MTHFD1L: variants seen among roughly 807,000 people sequenced by gnomAD.
The protein encoded by MTHFD1L is monofunctional C1-tetrahydrofolate synthase, mitochondrial.
A neutral mutation model predicts 119.5 loss-of-function variants in MTHFD1L; 81 were observed. The observed-to-expected ratio is 0.68, with a 90% CI of 0.57 to 0.82. MTHFD1L has a LOEUF of 0.82. Among genes scored for constraint, MTHFD1L ranks in the 40% least tolerant of loss-of-function variants. MTHFD1L has a pLI of 0.00. For synonymous variants in MTHFD1L, 430 were observed against 475.2 expected, an observed-to-expected ratio of 0.90 and a Z score of 1.24; for missense variants, 1,125 against 1,253.4, an observed-to-expected ratio of 0.90 and a Z score of 1.55.
intron 21 of MTHFD1L, 46 bp downstream of exon 21, chr6:151,010,004 G>C: frequency 6.5e-7 from 1 of 1,529,926 alleles, no homozygotes. Flanking sequence ...ATTTCATTAT[G>C]TTAAAACAGA....
intron 11 of MTHFD1L, among the ~76,000 whole-genome samples, chr6:150,931,133 C>T (rs1025300827): frequency 6.6e-6 from 1 of 152,166 alleles, no homozygotes; most frequent in Non-Finnish European, 1.5e-5. Context: ...CAGGCCTGCA[C>T]CCATTTCTGT....
chr6:150,939,681 C>CTTTTT (rs1175796074), intron 13 of MTHFD1L, among the ~76,000 whole-genome samples: 2 of 94,092 alleles, frequency 2.1e-5, no homozygotes, highest in African/African-American at 1.2e-4. Flanking sequence ...TCCTTGCAGA[C>CTTTTT]TCTTTTTTTT....
At chr6:150,967,241 A>G (rs1391221096) in intron 19 of MTHFD1L, among the ~76,000 whole-genome samples, 1 of 152,114 alleles carries the variant, frequency 6.6e-6, no homozygotes, top group Non-Finnish European at 1.5e-5. Flanking sequence ...TGGAGACACC[A>G]AGTCTTTGTT....
At chr6:150,928,433 CAA>C (rs540059318) in intron 11 of MTHFD1L, among the ~76,000 whole-genome samples, 6,588 of 70,666 alleles carry the variant, frequency 0.093, 179 homozygotes, top group African/African-American at 0.14. Context: ...AAGACTGTCT[CAA>C]AAAAAAAAAA....
At chr6:150,898,628 C>A (rs572213142) in intron 7 of MTHFD1L, among the ~76,000 whole-genome samples, 2 of 152,104 alleles carry the variant, frequency 1.3e-5, no homozygotes, top group Non-Finnish European at 2.9e-5. Context: ...CGTCTAGGAG[C>A]CTGACTTGCC....
At chr6:151,035,717 T>C (rs1447114396) in intron 25 of MTHFD1L, among the ~76,000 whole-genome samples, 2 of 152,232 alleles carry the variant, frequency 1.3e-5, no homozygotes, top group East Asian at 1.9e-4. Flanking sequence ...CTATCATTTA[T>C]TCTAATATTA....
At chr6:151,046,514 T>TATATATAC (rs1431193716) in intron 26 of MTHFD1L, among the ~76,000 whole-genome samples, 1 of 136,600 alleles carries the variant, frequency 7.3e-6, no homozygotes, top group East Asian at 2.1e-4. Context: ...TATATATATA[T>TATATATAC]AGACTCATTT....
chr6:150,948,096 C>T (rs1794286813), intron 15 of MTHFD1L, among the ~76,000 whole-genome samples: 1 of 152,092 alleles, frequency 6.6e-6, no homozygotes, highest in Admixed American at 6.6e-5. Context: ...CAACTTCTGC[C>T]TCCCAGGTTA....
intron 2 of MTHFD1L, among the ~76,000 whole-genome samples, chr6:150,876,877 C>T (rs1236429275): frequency 6.6e-6 from 1 of 152,216 alleles, no homozygotes; most frequent in Non-Finnish European, 1.5e-5. Flanking sequence ...GATTACAGAG[C>T]TGTGCTCAAG....
chr6:150,930,178 A>C (rs980712347), intron 11 of MTHFD1L, among the ~76,000 whole-genome samples: 46 of 152,024 alleles, frequency 3.0e-4, no homozygotes, highest in Non-Finnish European at 6.2e-4. Context: ...CTGTGGGTGG[A>C]TCACTTGAGG....
intron 26 of MTHFD1L, among the ~76,000 whole-genome samples, chr6:151,057,668 C>T (rs1236411912): frequency 4.6e-5 from 7 of 152,164 alleles, no homozygotes; most frequent in Admixed American, 4.6e-4. Context: ...TAGACTCCCC[C>T]TGTCAAAAAT....
intron 8 of MTHFD1L, among the ~76,000 whole-genome samples, chr6:150,906,489 A>C (rs1475881460): frequency 6.6e-6 from 1 of 152,182 alleles, no homozygotes; most frequent in Non-Finnish European, 1.5e-5. Flanking sequence ...GCCTTGGAGC[A>C]CACCCAGGCC....
At chr6:151,043,896 A>G (rs1787534936) in intron 26 of MTHFD1L, among the ~76,000 whole-genome samples, 3 of 152,238 alleles carry the variant, frequency 2.0e-5, no homozygotes, top group African/African-American at 7.2e-5. Flanking sequence ...TTTTAAGAAA[A>G]GGGTCAAGCT....
intron 20 of MTHFD1L, among the ~76,000 whole-genome samples, chr6:151,007,634 C>T (rs1158465938): frequency 6.6e-6 from 1 of 152,204 alleles, no homozygotes; most frequent in Non-Finnish European, 1.5e-5. Flanking sequence ...TAATCCAGTA[C>T]TGGGGCCTTA....
chr6:151,069,931 T>C (rs1465090827), intron 26 of MTHFD1L, among the ~76,000 whole-genome samples: 2 of 152,224 alleles, frequency 1.3e-5, no homozygotes, highest in African/African-American at 4.8e-5. Context: ...ACCTCTTAGA[T>C]GTCGATGAGT....
At position 151,022,031 on chromosome 6, in the gene MTHFD1L, A is replaced by G. The variant is rs1243390504; in HGVS notation, c.2586+6338A>G. Reference sequence around the variant, plus strand: ...TCTTTCCTGTTCCTTGCGTGAAGCCATTCTCTTGATCCCAGTGGGGGCTGG... The same window carrying G: ...TCTTTCCTGTTCCTTGCGTGAAGCCGTTCTCTTGATCCCAGTGGGGGCTGG... On this transcript the variant is annotated intron_variant, in intron 24 of 27. Transcript: ENST00000367321. 2.1e-5 allele frequency: 10 copies of G among 471,198 alleles called. 1 individual carries two copies. The highest frequency in any genetic ancestry group is 1.4e-4 in the South Asian group (9 of 64,574). 29.2% of individuals were successfully genotyped at this position (471,198 alleles called of 1,614,324 possible). A position where few individuals can be genotyped will look rare whatever the true frequency, so the allele number is the denominator to read the frequency against.
chr6:150,887,791 AAAGG>A (rs1782562522), intron 6 of MTHFD1L, 50 bp from the exon 7 acceptor site: 1 of 1,512,736 alleles, frequency 6.6e-7, no homozygotes, highest in Non-Finnish European at 8.8e-7. Flanking sequence ...TAAAGTTCTT[AAAGG>A]AAGGATCTGA....
intron 11 of MTHFD1L, among the ~76,000 whole-genome samples, chr6:150,929,656 G>GA (rs1790660929): frequency 6.6e-6 from 1 of 152,204 alleles, no homozygotes; most frequent in Admixed American, 6.5e-5. Context: ...ATGGCCAGTA[G>GA]AACATTTCTC....
intron 26 of MTHFD1L, chr6:151,041,858 C>T (rs777742837): frequency 7.6e-6 from 4 of 529,486 alleles, no homozygotes; most frequent in Non-Finnish European, 1.5e-5. Flanking sequence ...ACATCTCCAG[C>T]ATTGCTGGCT....
Sources: gnomAD v4.1 joint callset for allele counts (sites outside exome capture counted in the v4.1 genomes callset) on GRCh38, gnomAD v4.1.1 for gene constraint, MANE v1.5 for transcripts, NCBI Gene and HGNC (gene_info 2026-07-23, HGNC 2026-07-21) for gene names.